Variants in EVL observed in about 807,000 individuals in gnomAD.
EVL encodes the protein Enah/Vasp-like, also known as ena/VASP-like protein.
A neutral mutation model predicts 59.6 loss-of-function variants in EVL; 21 were observed. That is an observed-to-expected ratio of 0.35 (90% CI 0.25 to 0.51). The LOEUF (loss-of-function observed/expected upper bound fraction) is 0.51, where lower values mean the gene tolerates loss of function less well. Among genes scored for constraint, EVL ranks in the 20% least tolerant of loss-of-function variants. The pLI, the probability that EVL is intolerant of heterozygous loss-of-function variation, is 0.97. For synonymous variants in EVL, 198 were observed against 203.5 expected (o/e 0.97, Z 0.23); for missense variants, 462 against 546.6 (o/e 0.85, Z 1.54).
chr14:100,067,615 G>T (rs1170611006), intron 1 of EVL, among the ~76,000 whole-genome samples: 1 of 152,172 alleles, frequency 6.6e-6, no homozygotes, highest in African/African-American at 2.4e-5. Context: ...AGCTAGCATT[G>T]TTTTTATTGT....
chr14:99,991,488 A>T (rs1372255107), intron 1 of EVL, among the ~76,000 whole-genome samples: 3 of 152,242 alleles, frequency 2.0e-5, no homozygotes, highest in Non-Finnish European at 2.9e-5. Flanking sequence ...ACTGAGAATG[A>T]TGTTAACATC....
upstream of EVL, among the ~76,000 whole-genome samples, chr14:100,062,314 A>G (rs2061850413): frequency 6.6e-6 from 1 of 152,008 alleles, no homozygotes; most frequent in Admixed American, 6.6e-5. Flanking sequence ...ATGGGAATGG[A>G]GAATGAAATT....
intron 3 of EVL, among the ~76,000 whole-genome samples, chr14:100,122,585 C>G (rs1293692107): frequency 6.6e-6 from 1 of 152,186 alleles, no homozygotes; most frequent in Non-Finnish European, 1.5e-5. Flanking sequence ...GCAGTTGTAA[C>G]TTGAATATTG....
At chr14:100,018,532 C>A (rs1162433514) in intron 1 of EVL, among the ~76,000 whole-genome samples, 1 of 152,208 alleles carries the variant, frequency 6.6e-6, no homozygotes, top group East Asian at 1.9e-4. Context: ...TTCCTTCTTC[C>A]ACCCCTTCTC....
chr14:100,097,459 T>A, intron 2 of EVL, 22 bp from the exon 3 acceptor site: 1 of 1,586,160 alleles, frequency 6.3e-7, no homozygotes, highest in Non-Finnish European at 8.6e-7. Flanking sequence ...TTACACGTAT[T>A]TCTCTCTCCT....
chr14:100,079,137 G>A (rs928526154), intron 1 of EVL, among the ~76,000 whole-genome samples: 5 of 152,228 alleles, frequency 3.3e-5, no homozygotes, highest in Non-Finnish European at 5.9e-5. Context: ...CACCTTTAGA[G>A]GCAGCAGACA....
intron 9 of EVL, chr14:100,137,229 C>T (rs982021254): frequency 3.7e-5 from 12 of 326,072 alleles, no homozygotes; most frequent in Non-Finnish European, 4.0e-5. Flanking sequence ...GGGGCCTGGC[C>T]GCCACACCAC....
intron 1 of EVL, among the ~76,000 whole-genome samples, chr14:100,030,617 C>T (rs899578159): frequency 6.6e-6 from 1 of 152,188 alleles, no homozygotes; most frequent in African/African-American, 2.4e-5. Context: ...GGAAGATAAT[C>T]ATGTTTGCTA....
At chr14:100,141,821 G>A in intron 13 of EVL, 28 bp downstream of exon 13, 1 of 1,607,816 alleles carries the variant, frequency 6.2e-7, no homozygotes, top group African/African-American at 1.3e-5. Flanking sequence ...GGGGAGGGTG[G>A]CACCCAGGTG....
At chr14:100,048,623 G>C (rs7150955) in intron 1 of EVL, among the ~76,000 whole-genome samples, 136,356 of 152,178 alleles carry the variant, frequency 0.9, 61,484 homozygotes, top group Non-Finnish European at 0.94. Context: ...TACATAGTCA[G>C]CCTATGGAAA....
At position 100,143,827 on chromosome 14, in the gene EVL, A is replaced by G. The variant is rs1889360544; in HGVS notation, c.*89A>G. 1 of 1,507,282 alleles carries G rather than the reference A, an allele frequency of 6.6e-7. No individual in the cohort carries two copies. Among genetic ancestry groups the G allele is most frequent in the Non-Finnish European group, 9.1e-7 (1 of 1,103,758 alleles). 93.4% of individuals were successfully genotyped at this position (1,507,282 alleles called of 1,614,324 possible). On this transcript the variant is annotated 3_prime_UTR_variant, in exon 14 of 14. Coordinates refer to ENST00000392920, the MANE Select transcript of EVL (RefSeq NM_016337.3). ...AGCCAGCCCCAGACTCCAGTGCACC[A>G]GAGCACGCACAGGAGCCTGGGCGCG...
At chr14:100,035,616 A>G (rs2061377913) in intron 1 of EVL, among the ~76,000 whole-genome samples, 1 of 152,228 alleles carries the variant, frequency 6.6e-6, no homozygotes, top group African/African-American at 2.4e-5. Flanking sequence ...GCACCTGGCC[A>G]AAGAAACAAG....
chr14:100,127,659 T>C lies in EVL; in HGVS notation c.488-860T>C, dbSNP rs1566721021. Among the ~76,000 whole-genome samples the C allele has an allele frequency of 6.6e-6, 1 of 151,848 alleles. No individual in the cohort carries two copies. The highest frequency in any genetic ancestry group is 1.5e-5 in the Non-Finnish European group (1 of 67,970). On this transcript the variant is annotated intron_variant, in intron 5 of 13. Coordinates refer to ENST00000392920, the MANE Select transcript of EVL (RefSeq NM_016337.3). This position sits in a 1 kb window ranked among gnomAD's most constrained non-coding sequence, Gnocchi z 4.2. ...CTTTTCCTCCTTCCTCACACTTGCC[T>C]CCCCCCTTCACCTAACTGAACCCCT...
chr14:100,042,212 CA>C (rs1021706733), intron 1 of EVL, among the ~76,000 whole-genome samples: 1 of 152,192 alleles, frequency 6.6e-6, no homozygotes, highest in African/African-American at 2.4e-5. Flanking sequence ...CATCACTTCT[CA>C]ATTTGGACCG....
chr14:100,023,882 T>C (rs1340305103), intron 1 of EVL, among the ~76,000 whole-genome samples: 3 of 152,190 alleles, frequency 2.0e-5, no homozygotes, highest in Non-Finnish European at 4.4e-5. Flanking sequence ...TGAAATACCA[T>C]GTAGTTTTCC....
At chr14:100,137,857 C>T (rs1888909108) in intron 11 of EVL, 55 bp downstream of exon 11, 1 of 1,549,222 alleles carries the variant, frequency 6.5e-7, no homozygotes, top group African/African-American at 1.4e-5. Flanking sequence ...CTCCTCTGTC[C>T]CCCGTCCCGT....
intron 13 of EVL, 67 bp downstream of exon 13, chr14:100,141,860 C>T (rs1566735772): frequency 1.3e-6 from 2 of 1,500,744 alleles, no homozygotes; most frequent in Admixed American, 3.7e-5. Flanking sequence ...CCCTGTCACC[C>T]AGGCTGGGGG....
intron 4 of EVL, among the ~76,000 whole-genome samples, chr14:100,125,355 C>T (rs1888005135): frequency 1.3e-5 from 2 of 152,174 alleles, no homozygotes; most frequent in South Asian, 2.1e-4. Flanking sequence ...GCAAGACTTA[C>T]TCAGTGACGC....
At chr14:99,986,315 A>G (rs8005009) in intron 1 of EVL, among the ~76,000 whole-genome samples, 1 of 149,354 alleles carries the variant, frequency 6.7e-6, no homozygotes, top group Non-Finnish European at 1.5e-5. Flanking sequence ...AAAAAAAATC[A>G]AATGTATCCA....
Sources: gnomAD v4.1 joint callset for allele counts (sites outside exome capture counted in the v4.1 genomes callset) on GRCh38, gnomAD v4.1.1 for gene constraint, Gnocchi (gnomAD v3.1) non-coding constraint, MANE v1.5 for transcripts, NCBI Gene and HGNC (gene_info 2026-07-23, HGNC 2026-07-21) for gene names.